CNTNAP2: variants seen among roughly 807,000 people sequenced by gnomAD.
CNTNAP2 encodes the protein contactin associated protein 2.
A neutral mutation model predicts 155.2 loss-of-function variants in CNTNAP2; 98 were observed. The ratio of observed to expected loss-of-function variants is 0.63; its 90% CI spans 0.54 to 0.75. The LOEUF (loss-of-function observed/expected upper bound fraction) is 0.75, where lower values mean the gene tolerates loss of function less well. CNTNAP2 is among the 30% of genes least tolerant of loss of function. The pLI, the probability that CNTNAP2 is intolerant of heterozygous loss-of-function variation, is 0.00. For synonymous variants in CNTNAP2, 651 were observed against 631.2 expected (o/e 1.03, Z -0.47); for missense variants, 1,727 against 1,688.1 (o/e 1.02, Z -0.40).
At chr7:146,898,679 C>G (rs1003693390) in intron 3 of CNTNAP2, among the ~76,000 whole-genome samples, 2 of 152,006 alleles carry the variant, frequency 1.3e-5, no homozygotes, top group Non-Finnish European at 2.9e-5. Flanking sequence ...TACCTAATCT[C>G]CAAAGATGGC....
At chr7:147,043,032 T>A (rs1799288910) in intron 3 of CNTNAP2, among the ~76,000 whole-genome samples, 1 of 152,032 alleles carries the variant, frequency 6.6e-6, no homozygotes, top group South Asian at 2.1e-4. Context: ...TTATATCTTC[T>A]AAAATATAAT....
At chr7:147,051,216 A>G (rs1017560305) in intron 4 of CNTNAP2, among the ~76,000 whole-genome samples, 1 of 148,926 alleles carries the variant, frequency 6.7e-6, no homozygotes. Flanking sequence ...ATCATTAAGA[A>G]TTTATGTTTA....
At chr7:146,786,988 A>C (rs1361745981) in intron 2 of CNTNAP2, 1 of 152,224 alleles carries the variant, frequency 6.6e-6, no homozygotes, top group East Asian at 1.9e-4. Flanking sequence ...TTTGCATTAC[A>C]AGGTTTGTGC....
At chr7:146,598,326 TA>T (rs912001462) in intron 1 of CNTNAP2, among the ~76,000 whole-genome samples, 1 of 151,946 alleles carries the variant, frequency 6.6e-6, no homozygotes, top group South Asian at 2.1e-4. Flanking sequence ...CAAATAAGAA[TA>T]AAAAAAAGGA....
chr7:147,915,011 T>C lies in CNTNAP2; in HGVS notation c.2255+11290T>C, dbSNP rs1196118685. Among the ~76,000 whole-genome samples, 6 of 152,318 alleles carry C rather than the reference T, an allele frequency of 3.9e-5. No homozygotes were observed. In the East Asian group the frequency reaches 9.6e-4, roughly 24 times the overall value. On this transcript the variant is annotated intron_variant, in intron 14 of 23. Coordinates refer to ENST00000361727, the MANE Select transcript of CNTNAP2 (RefSeq NM_014141.6). Reference sequence around the variant, plus strand: ...TGTACATCTTATAAGCTCTTTGAATTTTTTGCCATGAACACATTTAACCTG... The same window carrying C: ...TGTACATCTTATAAGCTCTTTGAATCTTTTGCCATGAACACATTTAACCTG...
At chr7:146,476,831 T>C (rs1490095425) in intron 1 of CNTNAP2, among the ~76,000 whole-genome samples, 1 of 152,114 alleles carries the variant, frequency 6.6e-6, no homozygotes, top group African/African-American at 2.4e-5. Context: ...ACTTGGCGAG[T>C]AGGGCTACAA....
At chr7:148,332,978 T>C (rs1382714288) in intron 21 of CNTNAP2, among the ~76,000 whole-genome samples, 1 of 152,202 alleles carries the variant, frequency 6.6e-6, no homozygotes, top group Non-Finnish European at 1.5e-5. Flanking sequence ...ACAATAAACA[T>C]GATGACATAT....
chr7:148,351,744 CAAAA>C (rs71188974), intron 21 of CNTNAP2, among the ~76,000 whole-genome samples: 3 of 85,396 alleles, frequency 3.5e-5, no homozygotes, highest in Non-Finnish European at 4.1e-5. Flanking sequence ...CTCTGTCTCA[CAAAA>C]AAAAAAAAAA....
intron 13 of CNTNAP2, among the ~76,000 whole-genome samples, chr7:147,678,149 T>C (rs1212331414): frequency 1.3e-5 from 2 of 151,902 alleles, no homozygotes; most frequent in African/African-American, 4.8e-5. Context: ...CTGAATCTTA[T>C]TTTATAGACA....
chr7:146,497,794 A>G (rs1262963504), intron 1 of CNTNAP2, among the ~76,000 whole-genome samples: 1 of 149,184 alleles, frequency 6.7e-6, no homozygotes. Flanking sequence ...ATTTCCATAT[A>G]TAAACATATA....
chr7:146,518,643 C>G (rs181929235), intron 1 of CNTNAP2, among the ~76,000 whole-genome samples: 1 of 151,702 alleles, frequency 6.6e-6, no homozygotes, highest in East Asian at 1.9e-4. Context: ...AAAATTCAAA[C>G]ATTTTGATCA....
rs559405704 is a variant in CNTNAP2, at chr7:146,739,270, C to G, written c.98-35001C>G. ...TCTTTTTTGATATAGGCATTTATTGCTATAAAACTTCTTAGAATGGATAAA... is the reference window on the plus strand; with the variant it reads ...TCTTTTTTGATATAGGCATTTATTGGTATAAAACTTCTTAGAATGGATAAA... On this transcript the variant is annotated intron_variant, in intron 1 of 23. Transcript: ENST00000361727. 2.0e-5 allele frequency among the ~76,000 whole-genome samples: 3 copies of G among 151,988 alleles called. No individual in the cohort carries two copies. The South Asian group carries it at 6.2e-4, about 31-fold the overall frequency.
intron 3 of CNTNAP2, among the ~76,000 whole-genome samples, chr7:146,845,235 C>T (rs1015734377): frequency 6.6e-6 from 1 of 152,146 alleles, no homozygotes; most frequent in East Asian, 1.9e-4. Flanking sequence ...TTACATATTC[C>T]ATCAACCAGT....
intron 1 of CNTNAP2, among the ~76,000 whole-genome samples, chr7:146,158,527 A>C (rs2116792615): frequency 6.6e-6 from 1 of 152,294 alleles, no homozygotes; most frequent in South Asian, 2.1e-4. Flanking sequence ...ACTAGAATAA[A>C]CAGTGTAGAG....
intron 21 of CNTNAP2, among the ~76,000 whole-genome samples, chr7:148,323,082 T>C (rs1163794525): frequency 6.6e-6 from 1 of 152,102 alleles, no homozygotes; most frequent in East Asian, 1.9e-4. Context: ...TGTTGTTAGA[T>C]GCTTTACCTA....
intron 8 of CNTNAP2, among the ~76,000 whole-genome samples, chr7:147,152,321 A>G (rs755122160): frequency 1.6e-4 from 25 of 151,996 alleles, no homozygotes; most frequent in Non-Finnish European, 3.2e-4. Context: ...TGTGGTGGTT[A>G]ATTACATAGA....
At chr7:147,100,519 CTTTA>C (rs770436086) in intron 4 of CNTNAP2, among the ~76,000 whole-genome samples, 8 of 152,118 alleles carry the variant, frequency 5.3e-5, no homozygotes, top group Non-Finnish European at 8.8e-5. Flanking sequence ...ATTATATATT[CTTTA>C]TTTAAACTCA....
rs550953291 is a variant in CNTNAP2, at chr7:146,319,466, G to C, written c.97+202493G>C. ...TTTCTCAACAAGAGAGATTTTAGTA[G>C]ACCGGGGTACAAATTGGACAAACAA... is the stretch of plus-strand genomic sequence containing the variant. On this transcript the variant is annotated intron_variant, in intron 1 of 23. Transcript: ENST00000361727. 2.0e-5 allele frequency among the ~76,000 whole-genome samples: 3 copies of C among 152,290 alleles called. No individual in the cohort carries two copies. In the East Asian group the frequency reaches 5.8e-4, roughly 29 times the overall value.
At chr7:147,723,395 G>T (rs1796594691) in intron 13 of CNTNAP2, among the ~76,000 whole-genome samples, 1 of 151,900 alleles carries the variant, frequency 6.6e-6, no homozygotes, top group Non-Finnish European at 1.5e-5. Flanking sequence ...TCAGAGGTTT[G>T]GGGAAAAGAA....
Sources: allele counts gnomAD v4.1 joint callset (sites outside exome capture counted in the v4.1 genomes callset), GRCh38; gene constraint gnomAD v4.1.1; transcripts MANE v1.5; gene names NCBI Gene and HGNC (gene_info 2026-07-23, HGNC 2026-07-21).